Variants in HERC1 observed in about 807,000 individuals in gnomAD.
The protein encoded by HERC1 is probable E3 ubiquitin-protein ligase HERC1.
A neutral mutation model predicts 554.3 loss-of-function variants in HERC1; 160 were observed. The ratio of observed to expected loss-of-function variants is 0.29; its 90% CI spans 0.25 to 0.33. HERC1 has a LOEUF of 0.33. Ranked by LOEUF, HERC1 falls within the 10% of genes least tolerant of loss-of-function variation. The pLI is 1.00. For synonymous variants in HERC1, 2,175 were observed against 2,131.7 expected (o/e 1.02, Z -0.56); for missense variants, 4,919 against 5,918.5 (o/e 0.83, Z 5.54).
Position 63,637,657 on chromosome 15 carries a change from A to C in HERC1, c.12094-14T>G. On this transcript the variant is annotated splice_polypyrimidine_tract_variant and intron_variant, in intron 63 of 77. Transcript: ENST00000443617. ...ACCACAAATGACCTAGTATAAAAAC[A>C]CAGAATTAAATATTTTATTCTTTAT... 6.5e-7 allele frequency: 1 copy of C among 1,540,202 alleles called. No homozygotes were observed. Among genetic ancestry groups the C allele is most frequent in the Non-Finnish European group, 8.8e-7 (1 of 1,140,456 alleles).
chr15:63,796,791 C>T (rs1276209302), intron 1 of HERC1, among the ~76,000 whole-genome samples: 1 of 152,152 alleles, frequency 6.6e-6, no homozygotes, highest in Admixed American at 6.5e-5. Flanking sequence ...GAATTATTAT[C>T]TAAAGAAAGA....
intron 22 of HERC1, 43 bp from the exon 23 acceptor site, chr15:63,713,708 G>A (rs779626693): frequency 1.3e-6 from 2 of 1,505,128 alleles, no homozygotes; most frequent in Non-Finnish European, 1.8e-6. Context: ...CACATGGGGA[G>A]AGAAGAGCAA....
intron 14 of HERC1, among the ~76,000 whole-genome samples, chr15:63,731,274 G>A (rs912899426): frequency 1.3e-5 from 2 of 152,122 alleles, no homozygotes; most frequent in Admixed American, 6.5e-5. Context: ...AAGACAATAT[G>A]AGAACACTGT....
chr15:63,798,352 C>T (rs1440744335), intron 1 of HERC1, among the ~76,000 whole-genome samples: 1 of 152,146 alleles, frequency 6.6e-6, no homozygotes, highest in Admixed American at 6.5e-5. Context: ...TAACCAACAA[C>T]TGCCTCTTTA....
In HERC1 at chr15:63,612,248, T is replaced by C; in HGVS notation, c.14400+3A>G. On this transcript the variant is annotated splice_donor_region_variant and intron_variant, in intron 77 of 77. Transcript: ENST00000443617. The surrounding 1 kb of genome is among the most constrained non-coding windows in gnomAD (Gnocchi z 5.0). ...ACAAAGGAAAAAAGAATAGCTTACT[T>C]ACCCTATCAACCTTCATGATTTGAA... 6.3e-7 allele frequency: 1 copy of C among 1,599,388 alleles called. No individual in the cohort carries two copies.
rs145077530 is a variant in HERC1 at position 63,791,552 on chromosome 15, C to T, written c.-26-15903G>A. Among the ~76,000 whole-genome samples, 86 of 152,246 alleles carry T rather than the reference C, an allele frequency of 5.6e-4. No homozygotes were observed. In the East Asian group the frequency reaches 0.014, roughly 25 times the overall value. Reference sequence around the variant, plus strand: ...CCAACTAGTAACATTTCCAATAAAACTTTTAGTTACTGGATAAATTCTGCC... The same window carrying T: ...CCAACTAGTAACATTTCCAATAAAATTTTTAGTTACTGGATAAATTCTGCC... On this transcript the variant is annotated intron_variant, in intron 1 of 77. Coordinates refer to ENST00000443617, the MANE Select transcript of HERC1 (RefSeq NM_003922.4).
intron 57 of HERC1, among the ~76,000 whole-genome samples, 151 bp from the exon 58 acceptor site, chr15:63,643,701 AATCAGTAATAAAATATCAATCTG>A (rs2069182395): frequency 6.6e-6 from 1 of 152,224 alleles, no homozygotes; most frequent in African/African-American, 2.4e-5. Context: ...AGCTTGACTG[AATCAGTAATAAAATATCAATCTG>A]ATTCCCTTTG....
intron 72 of HERC1, 59 bp from the exon 73 acceptor site, chr15:63,623,949 CATG>C: frequency 6.4e-6 from 10 of 1,558,844 alleles, no homozygotes; most frequent in Non-Finnish European, 7.9e-6. Flanking sequence ...CCCAAAATCA[CATG>C]ATATCTTCCC....
In HERC1 at chr15:63,680,339, T is replaced by C. The variant is rs2071414110; in HGVS notation, c.6466-179A>G. Reference sequence around the variant, plus strand: ...CATATAATAAGTGATCATAATGTGTTCATCTGTTTCAAAAATCTTATTGGG... The same window carrying C: ...CATATAATAAGTGATCATAATGTGTCCATCTGTTTCAAAAATCTTATTGGG... On this transcript the variant is annotated intron_variant, in intron 35 of 77. Transcript: ENST00000443617. This position sits in a 1 kb window ranked among gnomAD's most constrained non-coding sequence, Gnocchi z 5.8. Among the ~76,000 whole-genome samples the C allele has an allele frequency of 6.6e-6, 1 of 152,218 alleles. No homozygotes were observed. The highest frequency in any genetic ancestry group is 1.5e-5 in the Non-Finnish European group (1 of 68,028).
chr15:63,640,187 C>G lies in HERC1; in HGVS notation c.11866G>C (p.Glu3956Gln). The G allele has an allele frequency of 6.2e-7, 1 of 1,613,942 alleles. No homozygotes were observed. Among genetic ancestry groups the G allele is most frequent in the Non-Finnish European group, 8.5e-7 (1 of 1,179,838 alleles). Residue 3956 changes from glutamate (E) to glutamine (Q), a missense_variant, in exon 61 of 78, where the codon GAA becomes CAA. By Grantham distance (29) the Glu-to-Gln change is conservative (BLOSUM62 2). Coordinates refer to ENST00000443617, the MANE Select transcript of HERC1 (RefSeq NM_003922.4). ...FPESFTVPDL[E>Q]PVPEDELVFL... ...ACAAGTTCATCCTCTGGAACAGGTT[C>G]TAGATCTGGAACGGTAAAAGATTCT...
Position 63,632,735 on chromosome 15 carries a change from T to C in HERC1, c.12770A>G (p.Asp4257Gly). Residue 4257 changes from aspartate to glycine, a missense_variant, in exon 68 of 78, where the codon GAT (aspartate) becomes GGT (glycine). Asp to Gly is a moderately conservative substitution (Grantham distance 94, BLOSUM62 -1). This residue lies in a region of HERC1 where 410 missense variants were observed against 467.0 expected (regional missense o/e 0.88). Transcript: ENST00000443617. ...GTQFSVALTK[D>G]GHVYTFGQDR... ...TTGACCAAAGGTATACACATGACCA[T>C]CTTTGGTCAAAGCAACAGAAAACTG... 6.4e-7 allele frequency: 1 copy of C among 1,563,490 alleles called. No homozygotes were observed. The highest frequency in any genetic ancestry group is 8.7e-7 in the Non-Finnish European group (1 of 1,152,072).
chr15:63,830,169 G>C (rs2078107014), intron 1 of HERC1, among the ~76,000 whole-genome samples: 1 of 152,158 alleles, frequency 6.6e-6, no homozygotes, highest in Non-Finnish European at 1.5e-5. Flanking sequence ...CCCAAGATAT[G>C]TATGAACAAT....
chr15:63,781,993 A>C (rs556210423), intron 1 of HERC1, among the ~76,000 whole-genome samples: 1 of 152,358 alleles, frequency 6.6e-6, no homozygotes, highest in Admixed American at 6.5e-5. Context: ...TGAGAGAGGT[A>C]AGGAAAATGC....
chr15:63,664,704 ATGTT>A (rs2070527928), intron 42 of HERC1, 110 bp from the exon 43 acceptor site: 3 of 914,128 alleles, frequency 3.3e-6, no homozygotes, highest in Non-Finnish European at 4.8e-6. Flanking sequence ...AGAATAAAAT[ATGTT>A]TATGATAAAA....
At chr15:63,780,649 G>T (rs1311305465) in intron 1 of HERC1, 1 of 152,076 alleles carries the variant, frequency 6.6e-6, no homozygotes, top group East Asian at 1.9e-4. Context: ...GTGAACCCGG[G>T]AGGCGGAGGT....
At chr15:63,622,939 T>C (rs1458625780) in intron 73 of HERC1, 48 bp from the exon 74 acceptor site, 2 of 1,194,262 alleles carry the variant, frequency 1.7e-6, no homozygotes, top group Non-Finnish European at 2.4e-6. Context: ...ATCAAATGCA[T>C]GAAGAGAACA....
rs2075503111 is a variant in HERC1 at position 63,758,487 on chromosome 15, G to C, written c.1027-118C>G. On this transcript the variant is annotated intron_variant, in intron 3 of 77. Coordinates refer to ENST00000443617, the MANE Select transcript of HERC1 (RefSeq NM_003922.4). This position sits in a 1 kb window ranked among gnomAD's most constrained non-coding sequence, Gnocchi z 4.0. ...CTTCCAACACTCTCAAATGCTCAAA[G>C]AACCTATTAAATAAAGATAACTAGA... The C allele has an allele frequency of 1.6e-6, 1 of 639,654 alleles. No homozygotes were observed. Among genetic ancestry groups the C allele is most frequent in the Non-Finnish European group, 2.6e-6 (1 of 387,490 alleles). The allele number at this position is 639,654 out of a possible 1,614,324, so 39.6% of individuals were successfully genotyped here.
At chr15:63,654,063 G>A in intron 51 of HERC1, 56 bp downstream of exon 51, 1 of 1,373,122 alleles carries the variant, frequency 7.3e-7, no homozygotes, top group East Asian at 2.3e-5. Flanking sequence ...GAGAAGAGAA[G>A]AGACTATTTC....
chr15:63,718,564 C>A lies in HERC1; in HGVS notation c.3978+10G>T. The A allele has an allele frequency of 6.5e-7, 1 of 1,544,130 alleles. No individual in the cohort carries two copies. Among genetic ancestry groups the A allele is most frequent in the Admixed American group, 2.0e-5 (1 of 49,744 alleles). ...GAAAAACATAGAAATTAATTGATTT[C>A]AAACTTTACCCATCTGTCCCGTGAT... On this transcript the variant is annotated intron_variant, in intron 21 of 77. Transcript: ENST00000443617. The surrounding 1 kb of genome is among the most constrained non-coding windows in gnomAD (Gnocchi z 4.2).
Sources: gnomAD v4.1 joint callset for allele counts (sites outside exome capture counted in the v4.1 genomes callset) on GRCh38, gnomAD v4.1.1 for gene constraint, gnomAD v4.1.1 regional missense constraint, Gnocchi (gnomAD v3.1) non-coding constraint, MANE v1.5 for transcripts, NCBI Gene and HGNC (gene_info 2026-07-23, HGNC 2026-07-21) for gene names.